Variants in RYR1 observed in about 807,000 individuals in gnomAD.
RYR1 encodes central core disease of muscle.
Under a neutral mutation model 583.5 loss-of-function variants are expected in RYR1, and 342 were observed. The ratio of observed to expected loss-of-function variants is 0.59; its 90% CI spans 0.54 to 0.64. The LOEUF (loss-of-function observed/expected upper bound fraction) is 0.64. Among genes scored for constraint, RYR1 ranks in the 30% least tolerant of loss-of-function variants. The probability of loss-of-function intolerance (pLI) is 0.00; values close to 1 mark genes in which losing one functional copy is unlikely to be tolerated. For synonymous variants in RYR1, 2,791 were observed against 2,822.5 expected (o/e 0.99, Z 0.35); for missense variants, 6,032 against 6,917.2 (o/e 0.87, Z 4.54).
chr19:38,572,409 G>A lies in RYR1; in HGVS notation c.13998+139G>A, dbSNP rs144093602. ...GCCTAGGGTTGGGGTGAGGGCTGGG[G>A]AACTGGGTACAGGATTGGGGTCTCC... On this transcript the variant is annotated intron_variant, in intron 95 of 105. Coordinates refer to ENST00000359596, the MANE Select transcript of RYR1 (RefSeq NM_000540.3). 72 of 1,055,592 alleles carry A rather than the reference G, an allele frequency of 6.8e-5. No homozygotes were observed. In the African/African-American group the frequency reaches 1.0e-3, roughly 15 times the overall value. The allele number at this position is 1,055,592 out of a possible 1,614,324, so 65.4% of individuals were successfully genotyped here.
intron 89 of RYR1, among the ~76,000 whole-genome samples, chr19:38,553,961 T>C (rs1972773346): frequency 6.6e-6 from 1 of 152,246 alleles, no homozygotes; most frequent in South Asian, 2.1e-4. Context: ...GTTTATTTGC[T>C]ATTCCTTGTT....
At chr19:38,465,971 A>G (rs940000296) in intron 23 of RYR1, 120 bp from the exon 24 acceptor site, 3 of 931,256 alleles carry the variant, frequency 3.2e-6, no homozygotes, top group African/African-American at 1.6e-5. Context: ...CTGCAACATT[A>G]TATCAAAGGT....
intron 79 of RYR1, 79 bp downstream of exon 79, chr19:38,534,898 G>A (rs1407439869): frequency 6.8e-7 from 1 of 1,473,860 alleles, no homozygotes; most frequent in East Asian, 2.4e-5. Context: ...CATTCCCTGT[G>A]GACCCATTTG....
rs779869638 is a variant in RYR1, at chr19:38,444,273, C to T, written c.537+12C>T. ...CCGAGCGCTACCTGGTGAGCCATTG[C>T]GGTTCCTCCTGCTCCCAGGTCTGGG... On this transcript the variant is annotated intron_variant, in intron 6 of 105. Coordinates refer to ENST00000359596, the MANE Select transcript of RYR1 (RefSeq NM_000540.3). The surrounding 1 kb of genome is among the most constrained non-coding windows in gnomAD (Gnocchi z 5.1). The T allele has an allele frequency of 9.4e-6, 15 of 1,597,476 alleles. No individual in the cohort carries two copies. The highest frequency in any genetic ancestry group is 8.0e-5 in the African/African-American group (6 of 74,554).
chr19:38,586,568 A>G lies in RYR1; in HGVS notation c.15013A>G (p.Thr5005Ala), dbSNP rs1974498878. The change falls in exon 105 of 106, where the codon ACG (threonine) becomes GCG (alanine). Residue 5005 changes from threonine (T) to alanine (A), a missense_variant. By Grantham distance (58) the Thr-to-Ala change is moderately conservative. This residue lies in a region of RYR1 where 189 missense variants were observed against 350.3 expected (regional missense o/e 0.54). Transcript: ENST00000359596. ...GATAAACAAGGATGAGACAGAACAC[A>G]CGGGTCAGGTAAGGGGGTGTTAATG... ...YLINKDETEH[T>A]GQESYVWKMY... 1 of 1,614,160 alleles carries G rather than the reference A, an allele frequency of 6.2e-7. No individual in the cohort carries two copies. Among genetic ancestry groups the G allele is most frequent in the South Asian group, 1.1e-5 (1 of 91,086 alleles).
chr19:38,553,597 T>G (rs1478003542), intron 89 of RYR1, among the ~76,000 whole-genome samples: 1 of 151,794 alleles, frequency 6.6e-6, no homozygotes, highest in Non-Finnish European at 1.5e-5. Flanking sequence ...AAGGCTGCAG[T>G]GAACCATGAT....
intron 31 of RYR1, 63 bp downstream of exon 31, chr19:38,478,663 A>AGGC: frequency 6.3e-7 from 1 of 1,581,584 alleles, no homozygotes; most frequent in Non-Finnish European, 8.6e-7. Flanking sequence ...GACAGCTCTT[A>AGGC]TAGATGTCCC....
rs1475669921 is a variant in RYR1 at position 38,527,767 on chromosome 19, C to T, written c.10807C>T (p.Leu3603Phe). 1 of 1,613,920 alleles carries T rather than the reference C, an allele frequency of 6.2e-7. No individual in the cohort carries two copies. The highest frequency in any genetic ancestry group is 8.5e-7 in the Non-Finnish European group (1 of 1,180,006). ...VRRVQEVSAV[L>F]YYLDQTEHPY... ...CAGAGTCCAGGAAGTGTCAGCCGTG[C>T]TCTACTACCTGGACCAGGTGGGTGG... The change falls in exon 73 of 106, where the codon CTC becomes TTC. Residue 3603 changes from leucine (L) to phenylalanine (F), a missense_variant. This residue lies in a region of RYR1 where 1,493 missense variants were observed against 1,715.5 expected (regional missense o/e 0.87). Transcript: ENST00000359596.
intron 88 of RYR1, among the ~76,000 whole-genome samples, chr19:38,547,126 G>A (rs1303780836): frequency 1.2e-4 from 18 of 149,112 alleles, no homozygotes; most frequent in African/African-American, 2.7e-4. Flanking sequence ...TGCAAGCTCC[G>A]CCTCCCAGGT....
rs893444153 is a variant in RYR1 at position 38,567,293 on chromosome 19, T to A, written c.13514+306T>A. Among the ~76,000 whole-genome samples, 5 of 151,990 alleles carry A rather than the reference T, an allele frequency of 3.3e-5. No individual in the cohort carries two copies. In the South Asian group the frequency reaches 6.2e-4, roughly 19 times the overall value. ...GTGAGCCCTGATCGCAGCATTGCCC[T>A]CCAGCCTGGGTGACAGAGCAAGACC... On this transcript the variant is annotated intron_variant, in intron 92 of 105. Transcript: ENST00000359596.
intron 101 of RYR1, 120 bp from the exon 102 acceptor site, chr19:38,584,823 G>C: frequency 8.3e-7 from 1 of 1,207,196 alleles, no homozygotes; most frequent in Non-Finnish European, 1.2e-6. Flanking sequence ...AGCCCTTTGA[G>C]GGCAGGGCCC....
Position 38,482,993 on chromosome 19 carries a change from C to T in RYR1, c.4621-34C>T, listed in dbSNP as rs114935281. 3,409 of 1,583,364 alleles carry T rather than the reference C, an allele frequency of 2.2e-3. 37 individuals carry two copies. In the African/African-American group the frequency reaches 0.026, roughly 12 times the overall value. ...GAGTCAACCCTCCCTCCAGCCCACC[C>T]GTTTGCTCACCTCGTCCTCTTCTCC... On this transcript the variant is annotated intron_variant, in intron 31 of 105. Transcript: ENST00000359596.
chr19:38,452,465 C>G (rs1489791651), intron 12 of RYR1, among the ~76,000 whole-genome samples: 1 of 152,098 alleles, frequency 6.6e-6, no homozygotes, highest in African/African-American at 2.4e-5. Flanking sequence ...TGACCCCTAA[C>G]CTCTAAACTC....
chr19:38,490,938 A>C (rs1192514346), intron 37 of RYR1, among the ~76,000 whole-genome samples: 1 of 152,268 alleles, frequency 6.6e-6, no homozygotes, highest in Non-Finnish European at 1.5e-5. Flanking sequence ...GATGGCTATA[A>C]GCCAGATAAA....
rs753263768 is a variant in RYR1 at position 38,512,595 on chromosome 19, A to G, written c.9472+112A>G. The G allele has an allele frequency of 2.3e-5, 24 of 1,045,184 alleles. No homozygotes were observed. Among genetic ancestry groups the G allele is most frequent in the Non-Finnish European group, 3.4e-5 (23 of 681,294 alleles). 64.7% of individuals were successfully genotyped at this position (1,045,184 alleles called of 1,614,324 possible). On this transcript the variant is annotated intron_variant, in intron 63 of 105. Transcript: ENST00000359596. The surrounding 1 kb of genome is among the most constrained non-coding windows in gnomAD (Gnocchi z 5.1). ...TTTGAATGTGTGGATTTCTTGCTGT[A>G]AGCAAAGCATGCAGTCAGTACCTTG...
At chr19:38,472,739 G>T (rs191117274) in intron 27 of RYR1, among the ~76,000 whole-genome samples, 1 of 151,294 alleles carries the variant, frequency 6.6e-6, no homozygotes, top group East Asian at 2.0e-4. Flanking sequence ...TTAGCCAGGC[G>T]TGTTGGCTCA....
intron 16 of RYR1, among the ~76,000 whole-genome samples, chr19:38,457,044 TC>T (rs529804842): frequency 0.26 from 12,839 of 48,480 alleles, 3,627 homozygotes; most frequent in East Asian, 0.52. Flanking sequence ...AGACTCCATC[TC>T]CAAAAAAAAA....
At chr19:38,522,144 G>C (rs1310228399) in intron 67 of RYR1, among the ~76,000 whole-genome samples, 1 of 152,116 alleles carries the variant, frequency 6.6e-6, no homozygotes, top group Non-Finnish European at 1.5e-5. Context: ...CTTGACTTCG[G>C]TGCTGGCTAC....
Position 38,505,862 on chromosome 19 carries a change from G to C in RYR1, c.8457G>C (p.Trp2819Cys), listed in dbSNP as rs1364291366. ...AGTCCCTGAAGGCCATGATTGCCTG[G>C]GAATGGACGATAGAGAAGGCCAGGG... The part of the protein sequence containing the change: ...IKESLKAMIA[W>C]EWTIEKAREG... The change falls in exon 54 of 106, where the codon TGG becomes TGC. Residue 2819 changes from tryptophan (W) to cysteine (C), a missense_variant. By Grantham distance (215) the Trp-to-Cys change is radical (BLOSUM62 -2). Around this residue, in one of 11 missense-constraint regions of RYR1, gnomAD observed 1,493 missense variants for 1,715.5 expected, o/e 0.87. Coordinates refer to ENST00000359596, the MANE Select transcript of RYR1 (RefSeq NM_000540.3). 1.2e-6 allele frequency: 2 copies of C among 1,614,142 alleles called. No homozygotes were observed. Among genetic ancestry groups the C allele is most frequent in the Non-Finnish European group, 8.5e-7 (1 of 1,180,038 alleles).
Sources: gnomAD v4.1 joint callset for allele counts (sites outside exome capture counted in the v4.1 genomes callset) on GRCh38, gnomAD v4.1.1 for gene constraint, gnomAD v4.1.1 regional missense constraint, Gnocchi (gnomAD v3.1) non-coding constraint, MANE v1.5 for transcripts, NCBI Gene and HGNC (gene_info 2026-07-23, HGNC 2026-07-21) for gene names.